The following INPP4B variants were observed in gnomAD, a reference collection of about 807,000 sequenced individuals.
INPP4B encodes the protein inositol polyphosphate 4-phosphatase type II.
A neutral mutation model predicts 122.5 loss-of-function variants in INPP4B; 55 were observed. The ratio of observed to expected loss-of-function variants is 0.45; its 90% CI spans 0.36 to 0.56. The LOEUF (loss-of-function observed/expected upper bound fraction) is 0.56, where lower values mean the gene tolerates loss of function less well. Ranked by LOEUF, INPP4B falls within the 20% of genes least tolerant of loss-of-function variation. The pLI, the probability that INPP4B is intolerant of heterozygous loss-of-function variation, is 0.00. For synonymous variants in INPP4B, 403 were observed against 388.7 expected, an observed-to-expected ratio of 1.04 and a Z score of -0.43; for missense variants, 1,000 against 1,097.7, an observed-to-expected ratio of 0.91 and a Z score of 1.26.
At chr4:142,052,177 C>T (rs1754976168) in intron 25 of INPP4B, among the ~76,000 whole-genome samples, 1 of 151,854 alleles carries the variant, frequency 6.6e-6, no homozygotes, top group South Asian at 2.1e-4. Flanking sequence ...TACAAAATGA[C>T]CTCACAAATT....
At chr4:142,429,037 T>C (rs541827310) in intron 5 of INPP4B, 136 bp downstream of exon 5, 37 of 571,046 alleles carry the variant, frequency 6.5e-5, no homozygotes, top group South Asian at 2.4e-5. Context: ...ACCTACCTTA[T>C]AGAACAATTT....
chr4:142,838,404 A>G (rs1293906479), intron 1 of INPP4B, among the ~76,000 whole-genome samples: 3 of 152,108 alleles, frequency 2.0e-5, no homozygotes, highest in East Asian at 1.9e-4. Flanking sequence ...AGTAGAAGCC[A>G]GCTGTATCAA....
intron 3 of INPP4B, among the ~76,000 whole-genome samples, chr4:142,442,273 G>A (rs999707232): frequency 6.6e-6 from 1 of 151,822 alleles, no homozygotes. Context: ...TTAGCTGGAC[G>A]TGGTGGCATG....
intron 7 of INPP4B, among the ~76,000 whole-genome samples, chr4:142,390,243 C>G (rs918562469): frequency 2.0e-5 from 3 of 152,048 alleles, no homozygotes; most frequent in Non-Finnish European, 4.4e-5. Flanking sequence ...TTCTCTTGAA[C>G]AAGATTTTCA....
intron 2 of INPP4B, among the ~76,000 whole-genome samples, chr4:142,464,237 T>C (rs1247872514): frequency 6.6e-6 from 1 of 152,168 alleles, no homozygotes; most frequent in Non-Finnish European, 1.5e-5. Context: ...CTCTATTTTA[T>C]TATCAGGAAT....
intron 5 of INPP4B, among the ~76,000 whole-genome samples, chr4:142,415,847 T>C (rs2149274315): frequency 6.6e-6 from 1 of 152,252 alleles, no homozygotes; most frequent in Admixed American, 6.5e-5. Context: ...GTTCATGTCC[T>C]TTGTAGGGAC....
At chr4:142,629,320 C>G (rs1433340447) in intron 2 of INPP4B, among the ~76,000 whole-genome samples, 3 of 151,940 alleles carry the variant, frequency 2.0e-5, no homozygotes, top group Non-Finnish European at 4.4e-5. Flanking sequence ...GTGTGGCAAA[C>G]TGTAAGAGAG....
rs574826089 is a variant in INPP4B, at chr4:142,165,476, A to G, written c.1360-4915T>C. Among the ~76,000 whole-genome samples the G allele has an allele frequency of 4.0e-5, 6 of 151,836 alleles. No homozygotes were observed. The East Asian group carries it at 1.2e-3, about 30-fold the overall frequency. On this transcript the variant is annotated intron_variant, in intron 16 of 25. Transcript: ENST00000262992. ...TTTACAATGTTATCAAAGGCCACCAATGTTAAAATATACACTTCTGAGTTC... is the reference window on the plus strand; with the variant it reads ...TTTACAATGTTATCAAAGGCCACCAGTGTTAAAATATACACTTCTGAGTTC...
intron 10 of INPP4B, among the ~76,000 whole-genome samples, chr4:142,270,434 G>A (rs1245282074): frequency 2.0e-5 from 3 of 152,182 alleles, no homozygotes; most frequent in East Asian, 3.9e-4. Context: ...AGCTGGCAGG[G>A]AAGAGGAAGG....
At chr4:142,636,842 T>A (rs1173055320) in intron 2 of INPP4B, among the ~76,000 whole-genome samples, 1 of 152,070 alleles carries the variant, frequency 6.6e-6, no homozygotes, top group African/African-American at 2.4e-5. Flanking sequence ...TATGGTATTA[T>A]CTTTAAATTT....
At chr4:142,622,683 A>G (rs1329983464) in intron 2 of INPP4B, among the ~76,000 whole-genome samples, 1 of 151,964 alleles carries the variant, frequency 6.6e-6, no homozygotes, top group Non-Finnish European at 1.5e-5. Context: ...AAGAGAAGGA[A>G]CTTGGTTGAT....
intron 2 of INPP4B, among the ~76,000 whole-genome samples, chr4:142,593,341 A>G (rs941038419): frequency 1.3e-5 from 2 of 152,100 alleles, no homozygotes; most frequent in African/African-American, 4.8e-5. Flanking sequence ...AAGTTTCCTC[A>G]CTCAGTCACC....
chr4:142,759,447 T>C (rs1451550590), intron 1 of INPP4B, among the ~76,000 whole-genome samples: 1 of 152,150 alleles, frequency 6.6e-6, no homozygotes, highest in Non-Finnish European at 1.5e-5. Context: ...GTCCAAATCC[T>C]TCCTCTTCAA....
At chr4:142,433,712 G>A in intron 3 of INPP4B, among the ~76,000 whole-genome samples, 1 of 152,150 alleles carries the variant, frequency 6.6e-6, no homozygotes, top group Non-Finnish European at 1.5e-5. Context: ...GTACAGCACT[G>A]TTCACTCACC....
chr4:142,336,703 G>A (rs1776738594), intron 7 of INPP4B, among the ~76,000 whole-genome samples: 1 of 152,180 alleles, frequency 6.6e-6, no homozygotes, highest in African/African-American at 2.4e-5. Flanking sequence ...TAGCACGTTG[G>A]GCCCAGTCAC....
chr4:142,472,018 TTATTGAG>T (rs1273098223), intron 2 of INPP4B, among the ~76,000 whole-genome samples: 2 of 152,188 alleles, frequency 1.3e-5, no homozygotes. Flanking sequence ...AGCAGTACGC[TTATTGAG>T]TAAGTTCACC....
chr4:142,713,648 A>T (rs147983682), intron 2 of INPP4B, among the ~76,000 whole-genome samples: 103 of 152,282 alleles, frequency 6.8e-4, no homozygotes, highest in African/African-American at 2.3e-3. Flanking sequence ...TCCAAAATCA[A>T]CCTTTCCAGA....
At chr4:142,065,521 CT>C (rs1763065911) in intron 25 of INPP4B, among the ~76,000 whole-genome samples, 1 of 152,058 alleles carries the variant, frequency 6.6e-6, no homozygotes, top group African/African-American at 2.4e-5. Context: ...AAAGAGGGAA[CT>C]TTACAGAGGA....
chr4:142,538,688 C>T (rs1475010439), intron 2 of INPP4B, among the ~76,000 whole-genome samples: 1 of 152,008 alleles, frequency 6.6e-6, no homozygotes, highest in Non-Finnish European at 1.5e-5. Context: ...GTGAAGAAAC[C>T]ACTTTGAAAT....
Sources: allele counts gnomAD v4.1 joint callset (sites outside exome capture counted in the v4.1 genomes callset), GRCh38; gene constraint gnomAD v4.1.1; transcripts MANE v1.5; gene names NCBI Gene and HGNC (gene_info 2026-07-23, HGNC 2026-07-21).